TSNARE1: variants seen among roughly 807,000 people sequenced by gnomAD.
TSNARE1 encodes the protein t-SNARE domain containing 1.
In TSNARE1, 49 loss-of-function variants were observed where a neutral mutation model predicts 62.0. The observed-to-expected ratio is 0.79, with a 90% CI of 0.63 to 1.00. The LOEUF is 1.00. Among genes scored for constraint, TSNARE1 ranks in the 50% least tolerant of loss-of-function variants. The probability of loss-of-function intolerance (pLI) is 0.00; values close to 1 mark genes in which losing one functional copy is unlikely to be tolerated. For synonymous variants in TSNARE1, 328 were observed against 294.4 expected (o/e 1.11, Z -1.17); for missense variants, 755 against 700.1 (o/e 1.08, Z -0.88).
chr8:142,343,847 AGAG>A (rs1223570281), intron 4 of TSNARE1, 116 bp downstream of exon 4: 100 of 661,824 alleles, frequency 1.5e-4, no homozygotes, highest in South Asian at 2.3e-4. Flanking sequence ...AAGGGGAGGA[AGAG>A]GAGGAGGAGG....
intron 10 of TSNARE1, among the ~76,000 whole-genome samples, chr8:142,286,524 C>A (rs1201273948): frequency 5.3e-5 from 8 of 152,248 alleles, no homozygotes; most frequent in African/African-American, 1.9e-4. Flanking sequence ...AAGGTGGGGC[C>A]CAGGGGTCAT....
intron 12 of TSNARE1, among the ~76,000 whole-genome samples, chr8:142,240,976 A>G (rs1430511446): frequency 6.6e-6 from 1 of 152,234 alleles, no homozygotes; most frequent in Non-Finnish European, 1.5e-5. Context: ...GGTGCCGGCT[A>G]TCATCACTTC....
intron 11 of TSNARE1, chr8:142,276,957 C>G (rs76873068): frequency 0.025 from 24,741 of 985,456 alleles, 393 homozygotes; most frequent in African/African-American, 0.053. Context: ...TGCCCCGGCG[C>G]AGTGCACAGA....
chr8:142,294,278 G>T (rs1664750636), intron 10 of TSNARE1, among the ~76,000 whole-genome samples: 1 of 152,098 alleles, frequency 6.6e-6, no homozygotes, highest in African/African-American at 2.4e-5. Context: ...GACGAGGCAG[G>T]GATCAATCAC....
At chr8:142,258,257 C>T (rs902763370) in intron 12 of TSNARE1, among the ~76,000 whole-genome samples, 10 of 152,096 alleles carry the variant, frequency 6.6e-5, no homozygotes, top group Non-Finnish European at 1.0e-4. Context: ...TGAAGGCACG[C>T]GTGTGCACAC....
intron 11 of TSNARE1, among the ~76,000 whole-genome samples, chr8:142,282,797 G>A (rs1267444495): frequency 2.1e-3 from 297 of 142,484 alleles, no homozygotes; most frequent in African/African-American, 7.8e-3. Context: ...GTCAGTGTCT[G>A]CCAATGAGCA....
chr8:142,336,653 A>G (rs1831800789), intron 4 of TSNARE1, among the ~76,000 whole-genome samples: 1 of 152,214 alleles, frequency 6.6e-6, no homozygotes, highest in Admixed American at 6.5e-5. Context: ...CAGACACAAG[A>G]GCATAGAGGC....
At chr8:142,391,609 G>A (rs1837535994) in intron 1 of TSNARE1, among the ~76,000 whole-genome samples, 1 of 152,210 alleles carries the variant, frequency 6.6e-6, no homozygotes, top group Admixed American at 6.5e-5. Context: ...AGCTTCTAGC[G>A]CCACCACGTT....
intron 10 of TSNARE1, among the ~76,000 whole-genome samples, chr8:142,284,882 G>A (rs1297197424): frequency 6.6e-6 from 1 of 152,212 alleles, no homozygotes; most frequent in Non-Finnish European, 1.5e-5. Flanking sequence ...AGGCCTGACT[G>A]CAAGAGAGCA....
chr8:142,316,633 G>A (rs547092131), intron 7 of TSNARE1, among the ~76,000 whole-genome samples: 73 of 151,796 alleles, frequency 4.8e-4, no homozygotes, highest in South Asian at 2.5e-3. Context: ...AGGGCCCTGC[G>A]CCTTGCCTGC....
At chr8:142,261,064 G>GGAGGGAAGGAGAAAA (rs1341129929) in intron 12 of TSNARE1, among the ~76,000 whole-genome samples, 1 of 128,668 alleles carries the variant, frequency 7.8e-6, no homozygotes, top group Non-Finnish European at 1.7e-5. Flanking sequence ...GAGGGAAGCA[G>GGAGGGAAGGAGAAAA]GAGGGAGGAG....
At chr8:142,397,053 G>A (rs1837944307) in intron 1 of TSNARE1, among the ~76,000 whole-genome samples, 1 of 138,704 alleles carries the variant, frequency 7.2e-6, no homozygotes, top group Non-Finnish European at 1.6e-5. Flanking sequence ...GCAGTGGCGA[G>A]GCAGCCCGAG....
At chr8:142,392,947 G>GAAAAAAAA (rs374805854) in intron 1 of TSNARE1, among the ~76,000 whole-genome samples, 3 of 109,538 alleles carry the variant, frequency 2.7e-5, no homozygotes. Flanking sequence ...AGGAGAAAAA[G>GAAAAAAAA]AAAAAAAAAA....
At chr8:142,266,713 G>A (rs993833293) in intron 12 of TSNARE1, among the ~76,000 whole-genome samples, 4 of 152,036 alleles carry the variant, frequency 2.6e-5, no homozygotes, top group African/African-American at 7.3e-5. Context: ...CAGTATGCTC[G>A]TGCTTCCTGT....
intron 10 of TSNARE1, among the ~76,000 whole-genome samples, chr8:142,290,399 T>TA (rs1823557890): frequency 6.6e-6 from 1 of 152,216 alleles, no homozygotes; most frequent in African/African-American, 2.4e-5. Flanking sequence ...AGACTGCTTC[T>TA]AAAACTAGAA....
chr8:142,274,067 C>T (rs1219878009), intron 12 of TSNARE1: 1 of 985,378 alleles, frequency 1.0e-6, no homozygotes, highest in African/African-American at 1.7e-5. Flanking sequence ...GTGGCCCATG[C>T]CACCCTCACC....
chr8:142,242,712 A>G (rs988726053), intron 12 of TSNARE1, among the ~76,000 whole-genome samples: 1 of 152,238 alleles, frequency 6.6e-6, no homozygotes, highest in African/African-American at 2.4e-5. Flanking sequence ...CTGTAATCCC[A>G]GCACTTCGGG....
At chr8:142,255,874 A>ACCACCACCACCACTG (rs1818466795) in intron 12 of TSNARE1, among the ~76,000 whole-genome samples, 1 of 83,610 alleles carries the variant, frequency 1.2e-5, no homozygotes. Flanking sequence ...CACCACCATC[A>ACCACCACCACCACTG]TCACCATCAC....
chr8:142,400,513 G>A (rs1263418958), intron 1 of TSNARE1, among the ~76,000 whole-genome samples: 4 of 151,114 alleles, frequency 2.6e-5, no homozygotes, highest in Non-Finnish European at 5.9e-5. Flanking sequence ...GGCCGAGGTG[G>A]GTGGATCACA....
Sources: allele counts gnomAD v4.1 joint callset (sites outside exome capture counted in the v4.1 genomes callset), GRCh38; gene constraint gnomAD v4.1.1; transcripts MANE v1.5; gene names NCBI Gene and HGNC (gene_info 2026-07-23, HGNC 2026-07-21).